Variants in C16orf96 observed in about 807,000 individuals in gnomAD.
C16orf96 encodes the protein chromosome 16 open reading frame 96.
Under a neutral mutation model 103.6 loss-of-function variants are expected in C16orf96, and 108 were observed. That is an observed-to-expected ratio of 1.04 (90% CI 0.89 to 1.22). C16orf96 has a LOEUF of 1.22. Among genes scored for constraint, C16orf96 ranks in the 50% most tolerant of loss-of-function variants. C16orf96 has a pLI of 0.00. For synonymous variants in C16orf96, 566 were observed against 593.5 expected, an observed-to-expected ratio of 0.95 and a Z score of 0.67; for missense variants, 1,586 against 1,464.2, an observed-to-expected ratio of 1.08 and a Z score of -1.36.
chr16:4,548,945 A>G, the C16orf96 span, among the ~76,000 whole-genome samples: 2 of 151,600 alleles, frequency 1.3e-5, no homozygotes, highest in Admixed American at 6.6e-5. Context: ...TGCTGGCAAC[A>G]CAGTGGCACT....
chr16:4,580,005 C>A lies in C16orf96; in HGVS notation c.2242-10C>A, dbSNP rs988600956. 11 of 1,549,558 alleles carry A rather than the reference C, an allele frequency of 7.1e-6. No homozygotes were observed. In the African/African-American group the frequency reaches 1.5e-4, roughly 21 times the overall value. ...CAGAGGCCTGGGGTGTCTGTGTCTCCCCCTTTTAGGAGGAAGAACTTGAGA... is the reference window on the plus strand; with the variant it reads ...CAGAGGCCTGGGGTGTCTGTGTCTCACCCTTTTAGGAGGAAGAACTTGAGA... On this transcript the variant is annotated splice_polypyrimidine_tract_variant and intron_variant, in intron 6 of 15. Transcript: ENST00000444310.
chr16:4,538,779 A>G, the C16orf96 span: 1 of 152,020 alleles, frequency 6.6e-6, no homozygotes, highest in Non-Finnish European at 1.5e-5. Context: ...CTTCTGTCAC[A>G]AGGAGGCGGG....
At chr16:4,552,461 G>A (rs143139053), upstream of C16orf96, among the ~76,000 whole-genome samples, 3 of 139,128 alleles carry the variant, frequency 2.2e-5, no homozygotes, top group African/African-American at 8.1e-5. Context: ...CAGCCTGGGC[G>A]ACAGTGTTAG....
chr16:4,590,142 G>A (rs1256519922), intron 9 of C16orf96, among the ~76,000 whole-genome samples: 2 of 151,336 alleles, frequency 1.3e-5, no homozygotes, highest in Non-Finnish European at 2.9e-5. Context: ...ATACTCCCTC[G>A]GGTGGCACAG....
intron 7 of C16orf96, among the ~76,000 whole-genome samples, chr16:4,582,264 A>G (rs1363291827): frequency 6.6e-6 from 1 of 151,790 alleles, no homozygotes; most frequent in Admixed American, 6.6e-5. Flanking sequence ...CCTGGGCGAC[A>G]AGAGCAAGAC....
chr16:4,590,440 C>T (rs1335568146), intron 9 of C16orf96, among the ~76,000 whole-genome samples: 1 of 151,438 alleles, frequency 6.6e-6, no homozygotes, highest in Non-Finnish European at 1.5e-5. Flanking sequence ...GGCCTGTAAT[C>T]CCAGCTACTC....
At chr16:4,592,432 G>T in intron 11 of C16orf96, 65 bp downstream of exon 11, 1 of 1,521,546 alleles carries the variant, frequency 6.6e-7, no homozygotes, top group East Asian at 2.5e-5. Flanking sequence ...GGTCATCTCC[G>T]TGCACCTCCA....
chr16:4,594,031 C>T (rs1023291186), intron 12 of C16orf96, among the ~76,000 whole-genome samples: 3 of 152,118 alleles, frequency 2.0e-5, no homozygotes, highest in African/African-American at 7.2e-5. Context: ...AGGGGAGGGA[C>T]GTGGGGGCCT....
chr16:4,574,852 G>A (rs1043977433), intron 3 of C16orf96, 63 bp downstream of exon 3: 32 of 1,530,100 alleles, frequency 2.1e-5, no homozygotes, highest in Middle Eastern at 3.4e-4. Context: ...CCCGGGTCCT[G>A]GGTGCTGAGG....
rs371490822 is a variant in C16orf96 at position 4,587,066 on chromosome 16, G to A, written c.2380G>A (p.Glu794Lys). 1.3e-6 allele frequency: 2 copies of A among 1,551,596 alleles called. No homozygotes were observed. The highest frequency in any genetic ancestry group is 1.7e-4 in the Middle Eastern group (1 of 5,986). Residue 794 changes from glutamate (E) to lysine (K), a missense_variant, in exon 8 of 16, where the codon GAA becomes AAA. By Grantham distance (56) the Glu-to-Lys change is moderately conservative. Coordinates refer to ENST00000444310, the MANE Select transcript of C16orf96 (RefSeq NM_001145011.2). Reference protein sequence around the residue: ...KTLQAQIKRLEMNKVNKSTME... With the variant: ...KTLQAQIKRLKMNKVNKSTME... ...TCTCCAGGCTCAAATCAAAAGACTGGAAATGAACAAGGTGAATAAGAGCAC... is the reference window on the plus strand; with the variant it reads ...TCTCCAGGCTCAAATCAAAAGACTGAAAATGAACAAGGTGAATAAGAGCAC...
intron 8 of C16orf96, 54 bp from the exon 9 acceptor site, chr16:4,588,113 T>C (rs1896970976): frequency 1.3e-6 from 2 of 1,522,720 alleles, no homozygotes; most frequent in Admixed American, 4.0e-5. Context: ...GTCTCCCAGC[T>C]TTGCCTTCCT....
In C16orf96 at chr16:4,576,172, G is replaced by A. The variant is rs74005364; in HGVS notation, c.1692G>A (p.Leu564=). 5.6e-3 allele frequency: 8,661 copies of A among 1,550,820 alleles called. 458 individuals carry two copies. The African/African-American group carries it at 0.11, about 19-fold the overall frequency. Residue 564 remains leucine (L), a synonymous_variant, in exon 5 of 16, where the codon CTG becomes CTA. Coordinates refer to ENST00000444310, the MANE Select transcript of C16orf96 (RefSeq NM_001145011.2). The part of the protein sequence containing the change: ...PKAPQSALHR[L]KTTAAIAAAA... ...CTCCCCAGTCTGCCCTTCACCGGCT[G>A]AAAACCACCGCTGCCATCGCCGCCG... is the stretch of plus-strand genomic sequence containing the variant.
At chr16:4,567,592 A>G (rs993963790) in intron 1 of C16orf96, among the ~76,000 whole-genome samples, 1 of 146,262 alleles carries the variant, frequency 6.8e-6, no homozygotes, top group African/African-American at 2.5e-5. Flanking sequence ...CTTCTTTGAC[A>G]TATTCCTTTT....
At position 4,593,262 on chromosome 16, in the gene C16orf96, G is replaced by C. The variant is rs753681940; in HGVS notation, c.2813G>C (p.Arg938Pro). The C allele has an allele frequency of 6.4e-7, 1 of 1,550,870 alleles. No homozygotes were observed. Among genetic ancestry groups the C allele is most frequent in the Non-Finnish European group, 8.7e-7 (1 of 1,146,900 alleles). ...ITIRKAHLLS[R>P]LRPASANSCE... ...ATCCGCAAAGCCCACCTGCTGTCCCGGCTGCGGCCAGCCAGCGCCAACAGC... is the reference window on the plus strand; with the variant it reads ...ATCCGCAAAGCCCACCTGCTGTCCCCGCTGCGGCCAGCCAGCGCCAACAGC... Residue 938 changes from arginine (R) to proline (P), a missense_variant, in exon 12 of 16, where the codon CGG becomes CCG. Transcript: ENST00000444310. The surrounding 1 kb of genome is among the most constrained non-coding windows in gnomAD (Gnocchi z 4.2).
upstream of C16orf96, among the ~76,000 whole-genome samples, chr16:4,554,476 G>A (rs1477223030): frequency 6.6e-6 from 1 of 151,418 alleles, no homozygotes; most frequent in Non-Finnish European, 1.5e-5. Context: ...TCAGCCTCCC[G>A]AGTAGTTGGG....
intron 5 of C16orf96, among the ~76,000 whole-genome samples, chr16:4,577,402 C>T (rs776305727): frequency 6.6e-6 from 1 of 151,954 alleles, no homozygotes; most frequent in Non-Finnish European, 1.5e-5. Flanking sequence ...CGGTGGCTCA[C>T]GCCTATAATC....
At chr16:4,582,115 C>G (rs1035543344) in intron 7 of C16orf96, among the ~76,000 whole-genome samples, 2 of 151,998 alleles carry the variant, frequency 1.3e-5, no homozygotes, top group Admixed American at 6.6e-5. Context: ...AACCCCGTCT[C>G]TACTAAAAAT....
At chr16:4,555,637 C>T (rs180907712), upstream of C16orf96, among the ~76,000 whole-genome samples, 1 of 151,774 alleles carries the variant, frequency 6.6e-6, no homozygotes, top group Non-Finnish European at 1.5e-5. Flanking sequence ...TCCCAGAGTG[C>T]TGGGATTACA....
chr16:4,538,897 C>G, the C16orf96 span: 1 of 152,268 alleles, frequency 6.6e-6, no homozygotes, highest in Non-Finnish European at 1.5e-5. Context: ...GCGATTTGGC[C>G]TAGAGCTGGG....
Sources: gnomAD v4.1 joint callset for allele counts (sites outside exome capture counted in the v4.1 genomes callset) on GRCh38, gnomAD v4.1.1 for gene constraint, Gnocchi (gnomAD v3.1) non-coding constraint, MANE v1.5 for transcripts, NCBI Gene and HGNC (gene_info 2026-07-23, HGNC 2026-07-21) for gene names.